Variants in OCA2 observed in about 807,000 individuals in gnomAD.
OCA2 encodes P protein.
Under a neutral mutation model 100.2 loss-of-function variants are expected in OCA2, and 77 were observed. The observed-to-expected ratio is 0.77, with a 90% CI of 0.64 to 0.93. OCA2 has a LOEUF of 0.93. Ranked by LOEUF, OCA2 falls within the 40% of genes least tolerant of loss-of-function variation. The pLI is 0.00. For missense variants in OCA2, 1,062 were observed against 1,089.1 expected (o/e 0.98, Z 0.35); for synonymous variants, 432 against 439.2 (o/e 0.98, Z 0.21).
chr15:27,798,960 TTACA>T (rs1314430203), intron 23 of OCA2, among the ~76,000 whole-genome samples: 4 of 152,194 alleles, frequency 2.6e-5, no homozygotes, highest in Admixed American at 6.5e-5. Flanking sequence ...AGATGGGCTG[TTACA>T]TAAAGAGAGA....
At chr15:27,995,789 T>C (rs1311116178) in intron 9 of OCA2, among the ~76,000 whole-genome samples, 2 of 150,968 alleles carry the variant, frequency 1.3e-5, no homozygotes, top group Non-Finnish European at 2.9e-5. Flanking sequence ...GGGAAATTGA[T>C]AAATATGCAA....
At position 27,828,603 on chromosome 15, in the gene OCA2, T is replaced by C. The variant is rs182969886; in HGVS notation, c.2432+16356A>G. ...TGTTGAGTGTAGCTAGAGAGTCCCA[T>C]GGCCGAGACAAATACAGTAAAAATC... On this transcript the variant is annotated intron_variant, in intron 23 of 23. Transcript: ENST00000354638. Among the ~76,000 whole-genome samples, 374 of 152,290 alleles carry C rather than the reference T, an allele frequency of 2.5e-3. 2 individuals carry two copies. Among genetic ancestry groups the C allele is most frequent in the African/African-American group, 8.6e-3 (356 of 41,556 alleles).
At chr15:27,821,654 ACAC>A in intron 23 of OCA2, among the ~76,000 whole-genome samples, 1 of 38,374 alleles carries the variant, frequency 2.6e-5, no homozygotes, top group African/African-American at 7.5e-5. Flanking sequence ...GTGCACACAG[ACAC>A]AGGCTCACAT....
Position 27,871,143 on chromosome 15 carries a change from G to A in OCA2, c.2244+11C>T. The stretch of plus-strand genomic sequence containing the variant: ...AAAGTTGAGCCGTCGACATGGACAT[G>A]TGCAACTCACCATGGTAGCAGTGAA... On this transcript the variant is annotated intron_variant, in intron 21 of 23. Coordinates refer to ENST00000354638, the MANE Select transcript of OCA2 (RefSeq NM_000275.3). 1 of 1,600,466 alleles carries A rather than the reference G, an allele frequency of 6.2e-7. No individual in the cohort carries two copies. Among genetic ancestry groups the A allele is most frequent in the South Asian group, 1.1e-5 (1 of 90,840 alleles).
chr15:27,764,828 A>G (rs564795951), intron 23 of OCA2, among the ~76,000 whole-genome samples: 1 of 152,218 alleles, frequency 6.6e-6, no homozygotes, highest in African/African-American at 2.4e-5. Flanking sequence ...CTTGAGGTGA[A>G]TCCATAGAGT....
the OCA2 span, among the ~76,000 whole-genome samples, chr15:27,719,994 C>T: frequency 6.6e-6 from 1 of 152,152 alleles, no homozygotes; most frequent in Non-Finnish European, 1.5e-5. Context: ...GTATAGATTT[C>T]CCACCCTCTG....
intron 19 of OCA2, among the ~76,000 whole-genome samples, chr15:27,902,850 TGTTCCAGGCACAGTGC>T: frequency 6.6e-6 from 1 of 152,108 alleles, no homozygotes; most frequent in South Asian, 2.1e-4. Flanking sequence ...AGAGTCAGAG[TGTTCCAGGCACAGTGC>T]GTTCCTCCAA....
the OCA2 span, among the ~76,000 whole-genome samples, chr15:27,737,831 G>T: frequency 6.6e-6 from 1 of 152,186 alleles, no homozygotes; most frequent in East Asian, 1.9e-4. Flanking sequence ...AGTAGTGAAA[G>T]AACTCCCACA....
chr15:27,720,449 ATC>A, the OCA2 span, among the ~76,000 whole-genome samples: 25 of 150,054 alleles, frequency 1.7e-4, no homozygotes, highest in Non-Finnish European at 3.0e-4. Flanking sequence ...TTTGAAATTC[ATC>A]TGTTTATATA....
chr15:27,970,623 C>G (rs1049518184), intron 14 of OCA2, among the ~76,000 whole-genome samples: 2 of 149,282 alleles, frequency 1.3e-5, no homozygotes, highest in South Asian at 2.1e-4. Flanking sequence ...GCCTGAAGAA[C>G]GCCCCAGCAC....
intron 23 of OCA2, among the ~76,000 whole-genome samples, chr15:27,796,436 C>G (rs115980827): frequency 6.6e-6 from 1 of 152,248 alleles, no homozygotes; most frequent in Non-Finnish European, 1.5e-5. Flanking sequence ...GGAAACAGCA[C>G]GTGCTGGGCA....
At chr15:27,970,935 A>C (rs896213127) in intron 14 of OCA2, among the ~76,000 whole-genome samples, 2 of 151,140 alleles carry the variant, frequency 1.3e-5, no homozygotes, top group African/African-American at 2.4e-5. Flanking sequence ...CCCAGCATGC[A>C]CAGTACGGCA....
At chr15:27,774,751 C>G (rs2032092850) in intron 23 of OCA2, among the ~76,000 whole-genome samples, 1 of 152,136 alleles carries the variant, frequency 6.6e-6, no homozygotes, top group South Asian at 2.1e-4. Context: ...AAACAGGTGT[C>G]CTTATAAGCA....
At chr15:27,908,723 C>T (rs1195807005) in intron 19 of OCA2, among the ~76,000 whole-genome samples, 5 of 152,156 alleles carry the variant, frequency 3.3e-5, no homozygotes, top group African/African-American at 4.8e-5. Flanking sequence ...AATGTAGCAA[C>T]ATGTGTGTGA....
At chr15:27,729,092 T>C in the OCA2 span, among the ~76,000 whole-genome samples, 1 of 152,170 alleles carries the variant, frequency 6.6e-6, no homozygotes. Context: ...CTTTCTGCTA[T>C]TGGCCCCCTT....
chr15:27,903,248 C>T (rs937978640), intron 19 of OCA2, among the ~76,000 whole-genome samples: 2 of 152,228 alleles, frequency 1.3e-5, no homozygotes, highest in Admixed American at 6.5e-5. Context: ...CCTCACCCAG[C>T]TGTGTGTGTT....
At chr15:27,831,301 A>AAAAAAAAAAAAAAAAAAC (rs2034944936) in intron 23 of OCA2, among the ~76,000 whole-genome samples, 2 of 151,324 alleles carry the variant, frequency 1.3e-5, no homozygotes, top group Non-Finnish European at 3.0e-5. Flanking sequence ...AAAAAAAAAA[A>AAAAAAAAAAAAAAAAAAC]AAAAATCGGT....
intron 2 of OCA2, among the ~76,000 whole-genome samples, chr15:28,042,290 A>C (rs548091662): frequency 2.5e-4 from 38 of 152,262 alleles, no homozygotes; most frequent in African/African-American, 8.9e-4. Flanking sequence ...ATTTCTACTT[A>C]TCATTTCTAG....
chr15:27,980,742 T>C (rs184809972), intron 14 of OCA2, among the ~76,000 whole-genome samples: 4 of 152,318 alleles, frequency 2.6e-5, no homozygotes, highest in Admixed American at 1.3e-4. Flanking sequence ...AAGAGAAATA[T>C]ATTGTCGTCT....
Sources: gnomAD v4.1 joint callset for allele counts (sites outside exome capture counted in the v4.1 genomes callset) on GRCh38, gnomAD v4.1.1 for gene constraint, MANE v1.5 for transcripts, NCBI Gene and HGNC (gene_info 2026-07-23, HGNC 2026-07-21) for gene names.